Variants in CLEC2L observed in about 807,000 individuals in gnomAD.
CLEC2L encodes the protein C-type lectin domain family 2 member L.
A neutral mutation model predicts 23.6 loss-of-function variants in CLEC2L; 14 were observed. The ratio of observed to expected loss-of-function variants is 0.59; its 90% confidence interval spans 0.39 to 0.93. The LOEUF (loss-of-function observed/expected upper bound fraction) is 0.93, where lower values mean the gene tolerates loss of function less well. Ranked by LOEUF, CLEC2L falls within the 40% of genes least tolerant of loss-of-function variation. The probability of loss-of-function intolerance (pLI) is 0.00; values close to 1 mark genes in which losing one functional copy is unlikely to be tolerated. For missense variants in CLEC2L, 264 were observed against 282.4 expected (o/e 0.93, Z 0.47); for synonymous variants, 114 against 121.3 (o/e 0.94, Z 0.40).
At chr7:139,544,140 A>G in intron 4 of CLEC2L, 91 bp from the exon 5 acceptor site, 1 of 826,866 alleles carries the variant, frequency 1.2e-6, no homozygotes, top group South Asian at 1.6e-5. Context: ...AGGGAGGGAT[A>G]GGTCACAGGG....
Position 139,542,480 on chromosome 7 carries a change from G to C in CLEC2L, c.533+359G>C, listed in dbSNP as rs369526195. ...AGCCAGAACGGGACAGAGAATGGGAGGGAGGGCCCTGGATGGCCTCACCCC... is the reference window on the plus strand; with the variant it reads ...AGCCAGAACGGGACAGAGAATGGGACGGAGGGCCCTGGATGGCCTCACCCC... On this transcript the variant is annotated intron_variant, in intron 4 of 4. Coordinates refer to ENST00000422142, the MANE Select transcript of CLEC2L (RefSeq NM_001080511.4). 1.1e-4 allele frequency among the ~76,000 whole-genome samples: 16 copies of C among 152,338 alleles called. No homozygotes were observed. In the South Asian group the frequency reaches 3.3e-3, roughly 32 times the overall value.
At chr7:139,534,102 G>A (rs1797618775) in intron 1 of CLEC2L, 3 of 609,290 alleles carry the variant, frequency 4.9e-6, no homozygotes, top group Non-Finnish European at 8.9e-6. Context: ...GTGAGAGGAT[G>A]TGGAGAAACT....
At chr7:139,532,784 G>T (rs1222026995) in intron 1 of CLEC2L, among the ~76,000 whole-genome samples, 2 of 152,154 alleles carry the variant, frequency 1.3e-5, no homozygotes, top group African/African-American at 4.8e-5. Flanking sequence ...CAGGAAGTGG[G>T]CCCCTACCAG....
intron 4 of CLEC2L, among the ~76,000 whole-genome samples, chr7:139,543,256 C>G (rs1797763323): frequency 6.6e-6 from 1 of 152,182 alleles, no homozygotes; most frequent in South Asian, 2.1e-4. Context: ...CCTTCCTTAT[C>G]TCACCCCCTT....
chr7:139,525,470 G>A (rs1309605844), intron 1 of CLEC2L, among the ~76,000 whole-genome samples: 2 of 152,060 alleles, frequency 1.3e-5, no homozygotes, highest in African/African-American at 4.8e-5. Context: ...CGAAGATGTT[G>A]CGTCACCAAG....
In CLEC2L at chr7:139,540,270, G is replaced by C; in HGVS notation, c.266-51G>C. 1 of 1,552,452 alleles carries C rather than the reference G, an allele frequency of 6.4e-7. No individual in the cohort carries two copies. The highest frequency in any genetic ancestry group is 1.2e-5 in the South Asian group (1 of 84,724). The stretch of plus-strand genomic sequence containing the variant: ...GGGAGGGAGCCACAGAAAGCAGAGT[G>C]GGACTCGGGCTGGGGGGGCGGGCAG... On this transcript the variant is annotated intron_variant, in intron 2 of 4. Coordinates refer to ENST00000422142, the MANE Select transcript of CLEC2L (RefSeq NM_001080511.4). This position sits in a 1 kb window ranked among gnomAD's most constrained non-coding sequence, Gnocchi z 5.8.
chr7:139,525,551 C>A (rs1027950171), intron 1 of CLEC2L, among the ~76,000 whole-genome samples: 2 of 152,104 alleles, frequency 1.3e-5, no homozygotes, highest in Non-Finnish European at 2.9e-5. Context: ...CAGACACCCC[C>A]CCGTGACGCT....
At chr7:139,524,904 G>A (rs939870251) in intron 1 of CLEC2L, among the ~76,000 whole-genome samples, 3 of 152,094 alleles carry the variant, frequency 2.0e-5, no homozygotes, top group Non-Finnish European at 2.9e-5. Flanking sequence ...CCTGGAGCCT[G>A]GATCACCCAT....
chr7:139,531,842 G>A (rs112813497), intron 1 of CLEC2L, among the ~76,000 whole-genome samples: 1,805 of 151,976 alleles, frequency 0.012, 38 homozygotes, highest in African/African-American at 0.04. Flanking sequence ...CCCAGGAGGT[G>A]GAGGTTGCAG....
At chr7:139,544,193 C>T (rs1289779862) in intron 4 of CLEC2L, 38 bp from the exon 5 acceptor site, 1 of 1,517,082 alleles carries the variant, frequency 6.6e-7, no homozygotes, top group Non-Finnish European at 9.1e-7. Flanking sequence ...GCTGAATGTT[C>T]CAGATCATAA....
intron 3 of CLEC2L, among the ~76,000 whole-genome samples, chr7:139,541,268 CA>C (rs886179301): frequency 6.6e-6 from 1 of 151,906 alleles, no homozygotes; most frequent in African/African-American, 2.4e-5. Context: ...CTAGGCCTCC[CA>C]AAGTGCTGGT....
Position 139,540,296 on chromosome 7 carries a change from G to T in CLEC2L, c.266-25G>T. 1 of 1,585,960 alleles carries T rather than the reference G, an allele frequency of 6.3e-7. No individual in the cohort carries two copies. The highest frequency in any genetic ancestry group is 1.1e-5 in the South Asian group (1 of 87,388). On this transcript the variant is annotated intron_variant, in intron 2 of 4. Coordinates refer to ENST00000422142, the MANE Select transcript of CLEC2L (RefSeq NM_001080511.4). The surrounding 1 kb of genome is among the most constrained non-coding windows in gnomAD (Gnocchi z 5.8). ...GGACTCGGGCTGGGGGGGCGGGCAG[G>T]GCCGAGCTGGTCTCTTCCCTGCAGC...
intron 1 of CLEC2L, chr7:139,534,371 T>A: frequency 1.1e-6 from 1 of 935,916 alleles, no homozygotes; most frequent in Non-Finnish European, 1.8e-6. Context: ...AAAGAATGAA[T>A]CCCAACAGTC....
intron 1 of CLEC2L, among the ~76,000 whole-genome samples, chr7:139,528,351 C>T (rs771562319): frequency 4.6e-5 from 7 of 152,134 alleles, no homozygotes; most frequent in South Asian, 2.1e-4. Flanking sequence ...TCCGTTCTCA[C>T]ACTGCTAATA....
Position 139,544,531 on chromosome 7 carries a change from A to G in CLEC2L, c.*189A>G. 6 of 596,310 alleles carry G rather than the reference A, an allele frequency of 1.0e-5. No homozygotes were observed. The South Asian group carries it at 1.2e-4, about 12-fold the overall frequency. 36.9% of individuals were successfully genotyped at this position (596,310 alleles called of 1,614,324 possible). Reference sequence around the variant, plus strand: ...CTGGTTCCTGGCCTCCTTTGTCTGCAGGCAGGTCGTGTGGCTCAGCAGTTA... The same window carrying G: ...CTGGTTCCTGGCCTCCTTTGTCTGCGGGCAGGTCGTGTGGCTCAGCAGTTA... On this transcript the variant is annotated 3_prime_UTR_variant, in exon 5 of 5. Transcript: ENST00000422142.
chr7:139,540,324 C>T lies in CLEC2L; in HGVS notation c.269C>T (p.Ser90Phe). ...AILVVMSILA[S>F]KGCIKCEAPC... Reference sequence around the variant, plus strand: ...CGAGCTGGTCTCTTCCCTGCAGCTTCCAAGGGCTGCATCAAGTGCGAAGCG... The same window carrying T: ...CGAGCTGGTCTCTTCCCTGCAGCTTTCAAGGGCTGCATCAAGTGCGAAGCG... The change falls in exon 3 of 5, where the codon TCC becomes TTC. Residue 90 changes from serine to phenylalanine, a missense_variant. Coordinates refer to ENST00000422142, the MANE Select transcript of CLEC2L (RefSeq NM_001080511.4). The surrounding 1 kb of genome is among the most constrained non-coding windows in gnomAD (Gnocchi z 5.8). 1 of 1,608,032 alleles carries T rather than the reference C, an allele frequency of 6.2e-7. No individual in the cohort carries two copies. The highest frequency in any genetic ancestry group is 8.5e-7 in the Non-Finnish European group (1 of 1,177,840).
rs549056456 is a variant in CLEC2L at position 139,531,436 on chromosome 7, G to A, written c.191-4838G>A. 3.9e-5 allele frequency among the ~76,000 whole-genome samples: 6 copies of A among 152,246 alleles called. No individual in the cohort carries two copies. In the South Asian group the frequency reaches 1.2e-3, roughly 32 times the overall value. On this transcript the variant is annotated intron_variant, in intron 1 of 4. Coordinates refer to ENST00000422142, the MANE Select transcript of CLEC2L (RefSeq NM_001080511.4). The stretch of plus-strand genomic sequence containing the variant: ...TAAGAACTCAGTAGAAGGGTAGGAT[G>A]ATAAAATTGAGAAAATGTTCCACGA...
At chr7:139,535,001 A>T (rs1377948298) in intron 1 of CLEC2L, among the ~76,000 whole-genome samples, 4 of 151,860 alleles carry the variant, frequency 2.6e-5, no homozygotes, top group African/African-American at 9.7e-5. Context: ...AAAAAAACCT[A>T]CCATGTGATC....
intron 1 of CLEC2L, among the ~76,000 whole-genome samples, chr7:139,532,191 G>T (rs1240236014): frequency 6.6e-6 from 1 of 152,230 alleles, no homozygotes; most frequent in Admixed American, 6.5e-5. Flanking sequence ...TTCTGAAGGA[G>T]AATTATTCTT....
Sources: allele counts gnomAD v4.1 joint callset (sites outside exome capture counted in the v4.1 genomes callset), GRCh38; gene constraint gnomAD v4.1.1; non-coding constraint Gnocchi (gnomAD v3.1); transcripts MANE v1.5; gene names NCBI Gene and HGNC (gene_info 2026-07-23, HGNC 2026-07-21).